Variants in RPH3A observed in about 807,000 individuals in gnomAD.
RPH3A encodes the protein rabphilin-3A.
A neutral mutation model predicts 102.2 loss-of-function variants in RPH3A; 48 were observed. The observed-to-expected ratio is 0.47, with a 90% confidence interval of 0.37 to 0.60. The LOEUF (loss-of-function observed/expected upper bound fraction) is 0.60. Ranked by LOEUF, RPH3A falls within the 20% of genes least tolerant of loss-of-function variation. The pLI is 0.00. For missense variants in RPH3A, 781 were observed against 910.1 expected, an observed-to-expected ratio of 0.86 and a Z score of 1.83; for synonymous variants, 310 against 324.3, an observed-to-expected ratio of 0.96 and a Z score of 0.47.
At chr12:112,576,452 C>T (rs1566213671) in intron 1 of RPH3A, among the ~76,000 whole-genome samples, 2 of 152,200 alleles carry the variant, frequency 1.3e-5, no homozygotes, top group Non-Finnish European at 2.9e-5. Context: ...CTCCTGACCT[C>T]AGGTGATCCA....
chr12:112,762,182 G>A (rs11066403), intron 1 of RPH3A, among the ~76,000 whole-genome samples: 2 of 152,270 alleles, frequency 1.3e-5, no homozygotes, highest in Admixed American at 1.3e-4. Flanking sequence ...TCCCCAACTA[G>A]ATTATAAGCT....
At chr12:112,695,027 G>T (rs1457648097) in intron 1 of RPH3A, 2 of 170,350 alleles carry the variant, frequency 1.2e-5, no homozygotes, top group African/African-American at 4.8e-5. Flanking sequence ...AGAGTTTTCA[G>T]ATAAAATACA....
At chr12:112,779,226 C>T (rs10774660) in intron 1 of RPH3A, among the ~76,000 whole-genome samples, 103,135 of 152,044 alleles carry the variant, frequency 0.68, 36,451 homozygotes, top group East Asian at 0.8. Flanking sequence ...AGGCTGGGAG[C>T]GAGTGTCCTA....
intron 1 of RPH3A, among the ~76,000 whole-genome samples, chr12:112,600,108 T>C (rs926136748): frequency 1.3e-5 from 2 of 152,194 alleles, no homozygotes; most frequent in Non-Finnish European, 2.9e-5. Context: ...GAAAAGAGAT[T>C]GCATAACATA....
chr12:112,735,354 G>A (rs1370444580), intron 1 of RPH3A, among the ~76,000 whole-genome samples: 1 of 152,220 alleles, frequency 6.6e-6, no homozygotes, highest in Non-Finnish European at 1.5e-5. Context: ...ATGGAGAGAT[G>A]TTGGGGAGAG....
chr12:112,678,299 A>AGAG (rs1389109730), intron 1 of RPH3A, among the ~76,000 whole-genome samples: 13 of 41,326 alleles, frequency 3.1e-4, no homozygotes, highest in Admixed American at 7.3e-4. Context: ...GAAAGAAAGA[A>AGAG]AGAAAGAGAG....
At chr12:112,800,154 G>A (rs2041314500) in intron 2 of RPH3A, among the ~76,000 whole-genome samples, 1 of 152,160 alleles carries the variant, frequency 6.6e-6, no homozygotes, top group Non-Finnish European at 1.5e-5. Context: ...AAGGAGATAG[G>A]AAGACTCGAT....
At position 112,895,873 on chromosome 12, in the gene RPH3A, G is replaced by A; in HGVS notation, c.1954G>A (p.Gly652Arg). The A allele has an allele frequency of 1.9e-6, 3 of 1,607,154 alleles. No individual in the cohort carries two copies. Among genetic ancestry groups the A allele is most frequent in the Non-Finnish European group, 2.6e-6 (3 of 1,174,222 alleles). Residue 652 changes from glycine to arginine, a missense_variant and splice_region_variant, in exon 21 of 22, where the codon GGA (glycine) becomes AGA (arginine). Gly to Arg is a moderately radical substitution (Grantham distance 125, BLOSUM62 -2). Coordinates refer to ENST00000389385, the MANE Select transcript of RPH3A (RefSeq NM_001143854.2). Reference sequence around the variant, plus strand: ...CATCGGCAAGTCCAATGATTACATCGGTGAGTGTTCCTAACTCCAGAGAAA... The same window carrying A: ...CATCGGCAAGTCCAATGATTACATCAGTGAGTGTTCCTAACTCCAGAGAAA... ...YDIGKSNDYI[G>R]GCQLGISAKG...
intron 1 of RPH3A, among the ~76,000 whole-genome samples, chr12:112,785,210 G>A (rs11612066): frequency 0.022 from 3,090 of 138,082 alleles, 49 homozygotes; most frequent in Middle Eastern, 0.033. Context: ...CAACAAAAGC[G>A]AAACTCCCAT....
chr12:112,780,724 T>C (rs115680260), intron 1 of RPH3A, among the ~76,000 whole-genome samples: 3,740 of 152,306 alleles, frequency 0.025, 168 homozygotes, highest in African/African-American at 0.086. Flanking sequence ...CCAATGAAGA[T>C]GGAGTGTCTC....
At chr12:112,753,999 G>C (rs535243619) in intron 1 of RPH3A, among the ~76,000 whole-genome samples, 1 of 152,160 alleles carries the variant, frequency 6.6e-6, no homozygotes, top group Admixed American at 6.5e-5. Flanking sequence ...ATGAGTCAAG[G>C]TGTGTAGGTG....
At chr12:112,646,491 G>A (rs2039931530) in intron 1 of RPH3A, among the ~76,000 whole-genome samples, 1 of 152,118 alleles carries the variant, frequency 6.6e-6, no homozygotes, top group Non-Finnish European at 1.5e-5. Context: ...ACAGGTTGTG[G>A]GTCTTCAGGG....
intron 1 of RPH3A, among the ~76,000 whole-genome samples, chr12:112,750,773 T>C (rs1299039429): frequency 2.0e-5 from 3 of 152,194 alleles, no homozygotes; most frequent in African/African-American, 7.2e-5. Flanking sequence ...CTAATTGTTA[T>C]AATTCTACCC....
chr12:112,839,004 C>A (rs1208936449), intron 4 of RPH3A, among the ~76,000 whole-genome samples: 1 of 152,090 alleles, frequency 6.6e-6, no homozygotes, highest in Admixed American at 6.5e-5. Context: ...TTTCTCAAGT[C>A]CTGGACCATC....
chr12:112,780,123 G>C (rs1164157543), intron 1 of RPH3A, among the ~76,000 whole-genome samples: 1 of 152,098 alleles, frequency 6.6e-6, no homozygotes, highest in South Asian at 2.1e-4. Flanking sequence ...TTCCTTGTCT[G>C]TTCTTCCTTT....
chr12:112,750,754 A>G (rs1476963785), intron 1 of RPH3A, among the ~76,000 whole-genome samples: 1 of 152,132 alleles, frequency 6.6e-6, no homozygotes, highest in Non-Finnish European at 1.5e-5. Flanking sequence ...TCCAGGATCT[A>G]GGTCTAAACT....
intron 1 of RPH3A, among the ~76,000 whole-genome samples, chr12:112,672,023 TA>T (rs955560333): frequency 1.0e-4 from 15 of 150,460 alleles, no homozygotes; most frequent in Admixed American, 2.7e-4. Flanking sequence ...TTTAGTGACT[TA>T]AATATATATA....
At chr12:112,862,109 C>T (rs756947436) in intron 5 of RPH3A, among the ~76,000 whole-genome samples, 12 of 151,818 alleles carry the variant, frequency 7.9e-5, no homozygotes, top group Non-Finnish European at 4.4e-5. Flanking sequence ...CATTTGAGAC[C>T]ATGAGTTTGA....
chr12:112,894,458 T>C (rs919347737), intron 19 of RPH3A, 120 bp from the exon 20 acceptor site: 23 of 870,106 alleles, frequency 2.6e-5, no homozygotes, highest in Non-Finnish European at 4.2e-5. Context: ...TCATTATCAA[T>C]GTTGATCCCT....
Sources: gnomAD v4.1 joint callset for allele counts (sites outside exome capture counted in the v4.1 genomes callset) on GRCh38, gnomAD v4.1.1 for gene constraint, MANE v1.5 for transcripts, NCBI Gene and HGNC (gene_info 2026-07-23, HGNC 2026-07-21) for gene names.